The following FRMD4A variants were observed in gnomAD, a reference collection of about 807,000 sequenced individuals.
FRMD4A encodes the protein FERM domain containing 4A, also known as FERM domain-containing protein 4A.
In FRMD4A, 29 loss-of-function variants were observed where a neutral mutation model predicts 129.1. That is an observed-to-expected ratio of 0.22 (90% confidence interval 0.17 to 0.31). The LOEUF (loss-of-function observed/expected upper bound fraction) is 0.31. Among genes scored for constraint, FRMD4A ranks in the 10% least tolerant of loss-of-function variants. The pLI is 1.00. For missense variants in FRMD4A, 1,272 were observed against 1,375.8 expected (o/e 0.92, Z 1.19); for synonymous variants, 634 against 571.6 (o/e 1.11, Z -1.56).
At chr10:13,686,855 T>G (rs965427118) in intron 15 of FRMD4A, among the ~76,000 whole-genome samples, 2 of 152,206 alleles carry the variant, frequency 1.3e-5, no homozygotes, top group Non-Finnish European at 2.9e-5. Flanking sequence ...GCAGTCCCAT[T>G]TATTCGTTTC....
chr10:14,018,962 G>C (rs1314843504), intron 2 of FRMD4A, among the ~76,000 whole-genome samples: 1 of 152,158 alleles, frequency 6.6e-6, no homozygotes, highest in Non-Finnish European at 1.5e-5. Context: ...TAAGTTATTA[G>C]TTAAGTGTGA....
At chr10:14,053,107 C>T (rs146836580) in intron 2 of FRMD4A, among the ~76,000 whole-genome samples, 9 of 152,274 alleles carry the variant, frequency 5.9e-5, no homozygotes, top group East Asian at 3.9e-4. Flanking sequence ...CGTGAGCAAA[C>T]GTTTTGAAGG....
chr10:14,050,800 C>T (rs753529208), intron 2 of FRMD4A, among the ~76,000 whole-genome samples: 2 of 152,188 alleles, frequency 1.3e-5, no homozygotes, highest in Non-Finnish European at 2.9e-5. Flanking sequence ...GGGGGTGTAC[C>T]CAGAAAGGGC....
At chr10:13,735,931 AT>A (rs2090602974) in intron 12 of FRMD4A, among the ~76,000 whole-genome samples, 1 of 152,152 alleles carries the variant, frequency 6.6e-6, no homozygotes, top group Admixed American at 6.5e-5. Flanking sequence ...AGGAGGGCAG[AT>A]CACTTGAGGT....
intron 2 of FRMD4A, among the ~76,000 whole-genome samples, chr10:14,049,227 GTAA>G (rs201656519): frequency 0.045 from 6,809 of 152,236 alleles, 288 homozygotes; most frequent in African/African-American, 0.12. Context: ...AATGAAGATG[GTAA>G]TAAACAGAGC....
chr10:14,294,525 C>T (rs1195587488), intron 2 of FRMD4A, among the ~76,000 whole-genome samples: 1 of 152,202 alleles, frequency 6.6e-6, no homozygotes, highest in African/African-American at 2.4e-5. Flanking sequence ...ATGCTCTCTT[C>T]ATGTGTAGTG....
chr10:13,897,643 A>T (rs1000331274), intron 2 of FRMD4A, among the ~76,000 whole-genome samples: 13 of 152,222 alleles, frequency 8.5e-5, no homozygotes, highest in Admixed American at 8.5e-4. Context: ...ATTAAACATT[A>T]TAGGCCTTAG....
intron 2 of FRMD4A, among the ~76,000 whole-genome samples, chr10:14,289,291 GT>G (rs975674582): frequency 1.3e-5 from 2 of 151,672 alleles, no homozygotes; most frequent in African/African-American, 4.8e-5. Context: ...TGTCTTTTGG[GT>G]TTTTTTTAAA....
chr10:14,183,086 G>T (rs1273083916), intron 2 of FRMD4A, among the ~76,000 whole-genome samples: 1 of 152,142 alleles, frequency 6.6e-6, no homozygotes, highest in Non-Finnish European at 1.5e-5. Context: ...ATAGAGCTAG[G>T]CAGTAACATA....
At chr10:14,282,126 T>C (rs996057323) in intron 2 of FRMD4A, among the ~76,000 whole-genome samples, 1 of 152,164 alleles carries the variant, frequency 6.6e-6, no homozygotes, top group Non-Finnish European at 1.5e-5. Context: ...ACTTATTCAC[T>C]ACCATGAGAA....
At position 14,185,574 on chromosome 10, in the gene FRMD4A, C is replaced by T. The variant is rs184826503; in HGVS notation, c.45+144484G>A. Among the ~76,000 whole-genome samples the T allele has an allele frequency of 2.9e-4, 44 of 152,118 alleles. No homozygotes were observed. In the East Asian group the frequency reaches 3.7e-3, roughly 13 times the overall value. The stretch of plus-strand genomic sequence containing the variant: ...AAGCAAGACTATTTAAAGGTTCAAT[C>T]TCGTCTTGTAAGAAAGAGAAACAGG... On this transcript the variant is annotated intron_variant, in intron 2 of 24. Transcript: ENST00000357447.
intron 2 of FRMD4A, among the ~76,000 whole-genome samples, chr10:13,875,031 G>A (rs1403687571): frequency 6.6e-6 from 1 of 152,134 alleles, no homozygotes; most frequent in Non-Finnish European, 1.5e-5. Flanking sequence ...AATACCCCAG[G>A]GAAGGAGTGA....
At chr10:13,650,433 C>T (rs151142133) in intron 24 of FRMD4A, among the ~76,000 whole-genome samples, 40 of 152,208 alleles carry the variant, frequency 2.6e-4, no homozygotes, top group African/African-American at 7.2e-4. Context: ...TGTATGTATT[C>T]GTGTATGTAT....
intron 9 of FRMD4A, 58 bp from the exon 10 acceptor site, chr10:13,740,635 C>A: frequency 1.2e-6 from 1 of 857,146 alleles, no homozygotes; most frequent in South Asian, 1.5e-5. Flanking sequence ...AGCCAAGCTT[C>A]CTGCCAGTAA....
chr10:13,815,807 A>G (rs2093532954), intron 3 of FRMD4A, among the ~76,000 whole-genome samples: 1 of 152,194 alleles, frequency 6.6e-6, no homozygotes, highest in Non-Finnish European at 1.5e-5. Flanking sequence ...TCCCCTGAGA[A>G]TGAAAAATCA....
intron 2 of FRMD4A, among the ~76,000 whole-genome samples, chr10:14,240,782 T>G (rs1190142364): frequency 6.6e-6 from 1 of 152,160 alleles, no homozygotes; most frequent in East Asian, 1.9e-4. Context: ...CTTTCCTGTT[T>G]AATATTCACA....
intron 2 of FRMD4A, among the ~76,000 whole-genome samples, chr10:14,053,976 C>T (rs1834384824): frequency 1.3e-5 from 2 of 152,112 alleles, no homozygotes; most frequent in South Asian, 4.1e-4. Context: ...CACTGCACTC[C>T]AGCCTCGGCA....
chr10:13,944,319 G>A (rs752393674), intron 2 of FRMD4A, among the ~76,000 whole-genome samples: 34 of 152,068 alleles, frequency 2.2e-4, no homozygotes, highest in Non-Finnish European at 4.4e-4. Flanking sequence ...GCTTGCCAGG[G>A]ATGTAGGCTG....
At chr10:14,278,642 A>G (rs982243081) in intron 2 of FRMD4A, among the ~76,000 whole-genome samples, 2 of 152,178 alleles carry the variant, frequency 1.3e-5, no homozygotes, top group Non-Finnish European at 2.9e-5. Context: ...AGGTGGTTCT[A>G]CGGGTAAGAT....
Sources: allele counts gnomAD v4.1 joint callset (sites outside exome capture counted in the v4.1 genomes callset), GRCh38; gene constraint gnomAD v4.1.1; transcripts MANE v1.5; gene names NCBI Gene and HGNC (gene_info 2026-07-23, HGNC 2026-07-21).